Variants in DHX35 observed in about 807,000 individuals in gnomAD.
The protein encoded by DHX35 is probable ATP-dependent RNA helicase DHX35.
In DHX35, 84 loss-of-function variants were observed where a neutral mutation model predicts 99.6. That is an observed-to-expected ratio of 0.84 (90% CI 0.71 to 1.01). DHX35 has a LOEUF of 1.01. DHX35 is among the 50% of genes least tolerant of loss of function. The pLI is 0.00. For synonymous variants in DHX35, 331 were observed against 316.2 expected (o/e 1.05, Z -0.50); for missense variants, 852 against 888.5 (o/e 0.96, Z 0.52).
rs537315465 is a variant in DHX35 at position 39,007,159 on chromosome 20, A to C, written c.1222+803A>C. Among the ~76,000 whole-genome samples, 13 of 152,286 alleles carry C rather than the reference A, an allele frequency of 8.5e-5. No individual in the cohort carries two copies. The South Asian group carries it at 2.1e-3, about 24-fold the overall frequency. ...GTGTGGCTGCCCCTAAAGAAGGTCC[A>C]GGGGTTTTAGCTCTGCCATTTGTCT... is the stretch of plus-strand genomic sequence containing the variant. On this transcript the variant is annotated intron_variant, in intron 12 of 21. Transcript: ENST00000252011.
chr20:39,014,620 C>A (rs1031734525), intron 13 of DHX35, among the ~76,000 whole-genome samples: 1 of 151,960 alleles, frequency 6.6e-6, no homozygotes, highest in Admixed American at 6.6e-5. Context: ...GGACCTATCA[C>A]GTCTGATGGA....
chr20:39,013,475 T>C (rs1354172845), intron 13 of DHX35, among the ~76,000 whole-genome samples: 3 of 152,238 alleles, frequency 2.0e-5, no homozygotes, highest in African/African-American at 4.8e-5. Context: ...GTTTCTGTAT[T>C]ATCCCAAATC....
At position 39,002,039 on chromosome 20, in the gene DHX35, A is replaced by T. The variant is rs3764702; in HGVS notation, c.755+197A>T. 4.7e-4 allele frequency among the ~76,000 whole-genome samples: 71 copies of T among 152,330 alleles called. 1 individual carries two copies. The East Asian group carries it at 0.013, about 27-fold the overall frequency. On this transcript the variant is annotated intron_variant, in intron 9 of 21. Coordinates refer to ENST00000252011, the MANE Select transcript of DHX35 (RefSeq NM_021931.4). ...GTTTAAACTGTTCACACTGACATGC[A>T]AGTTTCCGTAAGTCTGTGGCCAGTA... is the stretch of plus-strand genomic sequence containing the variant.
intron 3 of DHX35, among the ~76,000 whole-genome samples, chr20:38,975,711 G>C (rs2086065349): frequency 6.6e-6 from 1 of 152,198 alleles, no homozygotes; most frequent in Non-Finnish European, 1.5e-5. Context: ...ATACTGTGTG[G>C]TTATCTTGGG....
At chr20:39,001,901 A>G in intron 9 of DHX35, 59 bp downstream of exon 9, 2 of 1,307,928 alleles carry the variant, frequency 1.5e-6, no homozygotes, top group Non-Finnish European at 2.2e-6. Context: ...TCTGATGTAG[A>G]ATGTCAGAAC....
At chr20:39,034,107 A>G in intron 20 of DHX35, 99 bp from the exon 21 acceptor site, 1 of 840,582 alleles carries the variant, frequency 1.2e-6, no homozygotes, top group Non-Finnish European at 2.0e-6. Context: ...CACATAGAGT[A>G]GAACCTGTTA....
At chr20:38,982,999 C>G (rs1291618459) in intron 3 of DHX35, among the ~76,000 whole-genome samples, 1 of 150,256 alleles carries the variant, frequency 6.7e-6, no homozygotes, top group East Asian at 2.0e-4. Context: ...GATCTTGGCT[C>G]ACTGCAACCT....
chr20:38,990,611 C>T (rs887183781), intron 5 of DHX35, among the ~76,000 whole-genome samples: 1 of 152,056 alleles, frequency 6.6e-6, no homozygotes, highest in African/African-American at 2.4e-5. Flanking sequence ...TAAAAAAATA[C>T]AGTATAACAA....
intron 1 of DHX35, among the ~76,000 whole-genome samples, chr20:38,963,256 C>T (rs895484826): frequency 1.4e-4 from 22 of 152,220 alleles, no homozygotes; most frequent in African/African-American, 5.3e-4. Flanking sequence ...TTTTAAATTA[C>T]AGCTACCAGC....
chr20:38,962,381 TG>T lies in DHX35; in HGVS notation c.17del (p.Gly6AspfsTer3), dbSNP rs2085843975. The T allele has an allele frequency of 6.2e-7, 1 of 1,612,792 alleles. No individual in the cohort carries two copies. Among genetic ancestry groups the T allele is most frequent in the African/African-American group, 1.3e-5 (1 of 74,902 alleles). ...TTTTACCCCAACATGGCTGCGCCCG[TG>T]GGACCGGTGAAGTTCTGGCGACCCG... MAAP[V>X]GPVKFWRPGT... On this transcript the variant is annotated frameshift_variant, in exon 1 of 22. Coordinates refer to ENST00000252011, the MANE Select transcript of DHX35 (RefSeq NM_021931.4). LOFTEE classifies it high-confidence loss of function.
chr20:39,002,397 G>A (rs543112193), intron 9 of DHX35, among the ~76,000 whole-genome samples: 6 of 152,154 alleles, frequency 3.9e-5, no homozygotes, highest in African/African-American at 2.4e-5. Flanking sequence ...CCATCCAGCC[G>A]ACCCATAGAT....
chr20:38,977,985 T>G lies in DHX35; in HGVS notation c.267+5334T>G, dbSNP rs1469866073. 5 of 683,662 alleles carry G rather than the reference T, an allele frequency of 7.3e-6. No individual in the cohort carries two copies. The East Asian group carries it at 8.3e-5, about 11-fold the overall frequency. The allele number at this position is 683,662 out of a possible 1,614,324, so 42.3% of individuals were successfully genotyped here. On this transcript the variant is annotated intron_variant, in intron 3 of 21. Transcript: ENST00000252011. ...TTTTCTCTGGAACGTTGCTACCACCTCCAGGGGCAGATCACCTTCCAGATA... is the reference window on the plus strand; with the variant it reads ...TTTTCTCTGGAACGTTGCTACCACCGCCAGGGGCAGATCACCTTCCAGATA...
At chr20:38,978,181 A>G (rs2086112607) in intron 3 of DHX35, 3 of 1,030,738 alleles carry the variant, frequency 2.9e-6, no homozygotes, top group Non-Finnish European at 4.5e-6. Context: ...CTGTACAGAC[A>G]TTTTCAAAGT....
chr20:39,010,348 A>T lies in DHX35; in HGVS notation c.1291A>T (p.Ile431Phe), dbSNP rs769183068. ...EMQRSNLAPVILQLKALGIDN... is the reference protein window; with the variant it reads ...EMQRSNLAPVFLQLKALGIDN... ...GCAGCGTAGTAATTTGGCACCTGTC[A>T]TCCTGCAGCTGAAAGCACTAGGAAT... The change falls in exon 13 of 22, where the codon ATC becomes TTC. Residue 431 changes from isoleucine to phenylalanine, a missense_variant. By Grantham distance (21) the Ile-to-Phe change is conservative. Transcript: ENST00000252011. The T allele has an allele frequency of 4.6e-5, 74 of 1,614,168 alleles. No homozygotes were observed. Among genetic ancestry groups the T allele is most frequent in the Non-Finnish European group, 6.0e-5 (71 of 1,180,022 alleles).
In DHX35 at chr20:39,003,819, G is replaced by A. The variant is rs2086565716; in HGVS notation, c.923G>A (p.Arg308Lys). 6.2e-7 allele frequency: 1 copy of A among 1,614,216 alleles called. No individual in the cohort carries two copies. Among genetic ancestry groups the A allele is most frequent in the African/African-American group, 1.3e-5 (1 of 75,048 alleles). The change falls in exon 11 of 22, where the codon AGA (arginine) becomes AAA (lysine). Residue 308 changes from arginine to lysine, a missense_variant. Transcript: ENST00000252011. Reference sequence around the variant, plus strand: ...GCACTAGCTCGCACTGGGATGAAGAGACACCTCCGAGTTCTCCCCATGTAT... The same window carrying A: ...GCACTAGCTCGCACTGGGATGAAGAAACACCTCCGAGTTCTCCCCATGTAT... ...ARALARTGMK[R>K]HLRVLPMYAG... is the part of the protein sequence containing the mutation.
intron 3 of DHX35, among the ~76,000 whole-genome samples, chr20:38,979,955 T>C (rs2086146923): frequency 6.6e-6 from 1 of 152,168 alleles, no homozygotes; most frequent in African/African-American, 2.4e-5. Flanking sequence ...TTCTGTCCTT[T>C]AGCCAGAAGC....
At chr20:39,031,093 C>G (rs1398686814) in intron 20 of DHX35, among the ~76,000 whole-genome samples, 1 of 151,440 alleles carries the variant, frequency 6.6e-6, no homozygotes, top group Non-Finnish European at 1.5e-5. Flanking sequence ...ACCTGGGAGG[C>G]AGAGGTTGCA....
chr20:38,991,571 G>A (rs370125324), intron 6 of DHX35, 56 bp downstream of exon 6: 92 of 1,501,018 alleles, frequency 6.1e-5, no homozygotes, highest in East Asian at 1.1e-4. Context: ...CCAGGTAGAC[G>A]GAGAAGCAGG....
chr20:39,032,154 A>C (rs1437566842), intron 20 of DHX35, among the ~76,000 whole-genome samples: 5 of 152,150 alleles, frequency 3.3e-5, no homozygotes, highest in Admixed American at 1.3e-4. Flanking sequence ...CTGATCAACC[A>C]TGGATTGGAT....
Sources: gnomAD v4.1 joint callset for allele counts (sites outside exome capture counted in the v4.1 genomes callset) on GRCh38, gnomAD v4.1.1 for gene constraint, MANE v1.5 for transcripts, NCBI Gene and HGNC (gene_info 2026-07-23, HGNC 2026-07-21) for gene names.